GPSM2: variants seen among roughly 807,000 people sequenced by gnomAD.
The protein encoded by GPSM2 is G protein signaling modulator 2.
A neutral mutation model predicts 78.4 loss-of-function variants in GPSM2; 58 were observed. The ratio of observed to expected loss-of-function variants is 0.74; its 90% CI spans 0.60 to 0.92. The LOEUF (loss-of-function observed/expected upper bound fraction) is 0.92, where lower values mean the gene tolerates loss of function less well. Among genes scored for constraint, GPSM2 ranks in the 40% least tolerant of loss-of-function variants. The pLI is 0.00. For missense variants in GPSM2, 700 were observed against 815.5 expected (o/e 0.86, Z 1.73); for synonymous variants, 224 against 280.2 (o/e 0.80, Z 2.00).
intron 6 of GPSM2, 55 bp downstream of exon 6, chr1:108,898,820 T>G (rs1437420359): frequency 6.2e-7 from 1 of 1,606,218 alleles, no homozygotes; most frequent in Non-Finnish European, 8.5e-7. Context: ...TTCTGAACAG[T>G]GATTAGATCA....
chr1:108,897,426 T>A, intron 3 of GPSM2, 66 bp from the exon 4 acceptor site: 1 of 1,480,754 alleles, frequency 6.8e-7, no homozygotes, highest in Non-Finnish European at 9.2e-7. Context: ...GGCTACTTTA[T>A]ATTTTAACAC....
intron 2 of GPSM2, among the ~76,000 whole-genome samples, chr1:108,895,428 C>CA (rs35346009): frequency 0.37 from 56,220 of 151,988 alleles, 12,432 homozygotes; most frequent in African/African-American, 0.62. Flanking sequence ...TGTATTAGAA[C>CA]GGGGTTCCCA....
intron 2 of GPSM2, among the ~76,000 whole-genome samples, chr1:108,891,266 G>C (rs745834599): frequency 3.7e-4 from 56 of 152,248 alleles, no homozygotes; most frequent in African/African-American, 1.3e-3. Flanking sequence ...AGTTGTGAAG[G>C]AATACAGATA....
rs12123514 is a variant in GPSM2, at chr1:108,904,502, C to G, written c.1192+248C>G. 0.053 allele frequency among the ~76,000 whole-genome samples: 7,905 copies of G among 149,714 alleles called. 243 individuals are homozygous for G. Among genetic ancestry groups the G allele is most frequent in the African/African-American group, 0.087 (3,571 of 41,068 alleles). ...AATATTTTATAGTTTTTACCATGAA[C>G]TTAGGAATGGTGATGGTATTGTTCT... On this transcript the variant is annotated intron_variant, in intron 10 of 14. Coordinates refer to ENST00000264126, the MANE Select transcript of GPSM2 (RefSeq NM_013296.5).
intron 2 of GPSM2, among the ~76,000 whole-genome samples, chr1:108,892,688 C>G (rs1016476433): frequency 2.6e-5 from 4 of 152,088 alleles, no homozygotes; most frequent in South Asian, 2.1e-4. Context: ...GGAAGTAATT[C>G]TATTCTCTCA....
Position 108,885,578 on chromosome 1 carries a change from G to A in GPSM2, c.56G>A (p.Arg19Lys), listed in dbSNP as rs144199504. The A allele has an allele frequency of 2.6e-6, 4 of 1,562,458 alleles. No individual in the cohort carries two copies. The highest frequency in any genetic ancestry group is 1.1e-5 in the South Asian group (1 of 90,046). ...GACCATTCTTTTCATGTTCGTTACAGGTAAGACTATTGCTGTCTTAATGGA... is the reference window on the plus strand; with the variant it reads ...GACCATTCTTTTCATGTTCGTTACAAGTAAGACTATTGCTGTCTTAATGGA... ...REDHSFHVRY[R>K]MEASCLELAL... is the part of the protein sequence containing the mutation. Residue 19 changes from arginine to lysine, a missense_variant and splice_region_variant, in exon 2 of 15, where the codon AGA becomes AAA. Coordinates refer to ENST00000264126, the MANE Select transcript of GPSM2 (RefSeq NM_013296.5).
At position 108,905,523 on chromosome 1, in the gene GPSM2, A is replaced by G. The variant is rs559207964; in HGVS notation, c.1192+1269A>G. On this transcript the variant is annotated intron_variant, in intron 10 of 14. Transcript: ENST00000264126. Reference sequence around the variant, plus strand: ...TAGCCAATCATTCCCTTCTGAGAAAACTTTCTTCATTTGGCCTCCAGGATT... The same window carrying G: ...TAGCCAATCATTCCCTTCTGAGAAAGCTTTCTTCATTTGGCCTCCAGGATT... Among the ~76,000 whole-genome samples the G allele has an allele frequency of 2.0e-5, 3 of 151,862 alleles. No homozygotes were observed. In the South Asian group the frequency reaches 6.3e-4, roughly 32 times the overall value.
At chr1:108,893,881 C>T (rs1156940466) in intron 2 of GPSM2, among the ~76,000 whole-genome samples, 4 of 151,950 alleles carry the variant, frequency 2.6e-5, no homozygotes, top group Non-Finnish European at 5.9e-5. Context: ...ATGATGAAAC[C>T]CCATCTCTAC....
intron 10 of GPSM2, among the ~76,000 whole-genome samples, chr1:108,911,765 G>T (rs1649759204): frequency 6.8e-6 from 1 of 147,024 alleles, no homozygotes; most frequent in East Asian, 2.0e-4. Flanking sequence ...CTTAGTAATT[G>T]ATGGGTGATA....
At chr1:108,924,583 T>A (rs1192835033) in intron 14 of GPSM2, among the ~76,000 whole-genome samples, 1 of 151,784 alleles carries the variant, frequency 6.6e-6, no homozygotes, top group African/African-American at 2.4e-5. Flanking sequence ...TTAGGTAGGG[T>A]GGTTAGAGAA....
At chr1:108,928,381 C>T (rs915682715) in intron 14 of GPSM2, among the ~76,000 whole-genome samples, 1 of 152,078 alleles carries the variant, frequency 6.6e-6, no homozygotes, top group Non-Finnish European at 1.5e-5. Context: ...AACTAAGTGC[C>T]CAAGTGTTGG....
In GPSM2 at chr1:108,898,637, C is replaced by A. The variant is rs1648561031; in HGVS notation, c.558-5C>A. The A allele has an allele frequency of 6.2e-7, 1 of 1,613,602 alleles. No individual in the cohort carries two copies. Among genetic ancestry groups the A allele is most frequent in the African/African-American group, 1.3e-5 (1 of 75,000 alleles). ...ATTTTTTCATCACTTTTTGCGATCC[C>A]TTAGGGAAAACCTATCATTAGTGAC... is the stretch of plus-strand genomic sequence containing the variant. On this transcript the variant is annotated splice_region_variant and splice_polypyrimidine_tract_variant and intron_variant, in intron 5 of 14. Coordinates refer to ENST00000264126, the MANE Select transcript of GPSM2 (RefSeq NM_013296.5).
At chr1:108,907,612 G>A (rs1246069764) in intron 10 of GPSM2, among the ~76,000 whole-genome samples, 1 of 151,966 alleles carries the variant, frequency 6.6e-6, no homozygotes, top group Non-Finnish European at 1.5e-5. Flanking sequence ...ATGAAAACAA[G>A]AGAATAACAA....
At chr1:108,887,412 C>T (rs1327400733) in intron 2 of GPSM2, among the ~76,000 whole-genome samples, 4 of 152,152 alleles carry the variant, frequency 2.6e-5, no homozygotes, top group East Asian at 1.9e-4. Context: ...GACTCCGAGG[C>T]GCTAACCCTC....
intron 2 of GPSM2, among the ~76,000 whole-genome samples, chr1:108,892,007 T>C (rs929407057): frequency 6.6e-6 from 1 of 152,094 alleles, no homozygotes; most frequent in Non-Finnish European, 1.5e-5. Flanking sequence ...ATGTGGTAAA[T>C]TGAATGGATG....
chr1:108,878,794 G>A (rs1665752343), intron 1 of GPSM2, among the ~76,000 whole-genome samples: 1 of 152,186 alleles, frequency 6.6e-6, no homozygotes, highest in South Asian at 2.1e-4. Context: ...TGCTGGGTCA[G>A]GTGCTTTATA....
rs1652226591 is a variant in GPSM2 at position 108,932,772 on chromosome 1, C to CT, written c.*2833dup. ...CAAATTTATTCTAAACTGCAGGTGT[C>CT]TGTCAGGATTCATTTGTTAAACATG... On this transcript the variant is annotated 3_prime_UTR_variant, in exon 15 of 15. Transcript: ENST00000264126. The CT allele has an allele frequency of 1.3e-5, 2 of 152,312 alleles. No individual in the cohort carries two copies. The highest frequency in any genetic ancestry group is 4.8e-5 in the African/African-American group (2 of 41,560). The allele number at this position is 152,312 out of a possible 1,614,324, so 9.4% of individuals were successfully genotyped here.
chr1:108,920,891 GC>G (rs1650655370), intron 12 of GPSM2, among the ~76,000 whole-genome samples: 1 of 152,078 alleles, frequency 6.6e-6, no homozygotes, highest in Non-Finnish European at 1.5e-5. Context: ...TGAATTCTAG[GC>G]TTTTTTGCCC....
chr1:108,924,105 T>C lies in GPSM2; in HGVS notation c.1706T>C (p.Leu569Ser), dbSNP rs1227338467. ...LDDQRASFSN[L>S]PGLRLTQNSQ... ...GACCAGAGGGCTAGTTTCAGTAATT[T>C]GCCAGGGCTTCGTCTAACACAAAAC... Residue 569 changes from leucine to serine, a missense_variant, in exon 14 of 15, where the codon TTG becomes TCG. Physicochemically the swap from Leu to Ser is moderately radical, Grantham distance 145. Coordinates refer to ENST00000264126, the MANE Select transcript of GPSM2 (RefSeq NM_013296.5). 1.2e-6 allele frequency: 2 copies of C among 1,613,620 alleles called. No individual in the cohort carries two copies. The highest frequency in any genetic ancestry group is 8.5e-7 in the Non-Finnish European group (1 of 1,179,502).
Sources: allele counts gnomAD v4.1 joint callset (sites outside exome capture counted in the v4.1 genomes callset), GRCh38; gene constraint gnomAD v4.1.1; transcripts MANE v1.5; gene names NCBI Gene and HGNC (gene_info 2026-07-23, HGNC 2026-07-21).